ATP8B4: variants seen among roughly 807,000 people sequenced by gnomAD.
The protein encoded by ATP8B4 is probable phospholipid-transporting ATPase IM.
ATP8B4 carries 133 observed loss-of-function variants against 145.6 expected under a neutral mutation model. The observed-to-expected ratio is 0.91, with a 90% CI of 0.79 to 1.05. The LOEUF is 1.05. Ranked by LOEUF, ATP8B4 falls within the 50% of genes least tolerant of loss-of-function variation. The pLI is 0.00. For synonymous variants in ATP8B4, 507 were observed against 492.9 expected (o/e 1.03, Z -0.38); for missense variants, 1,458 against 1,425.2 (o/e 1.02, Z -0.37).
chr15:50,091,922 C>T (rs1242970801), intron 2 of ATP8B4, among the ~76,000 whole-genome samples: 2 of 152,062 alleles, frequency 1.3e-5, no homozygotes, highest in African/African-American at 4.8e-5. Context: ...ATATACATAG[C>T]TACTTGAAGA....
At chr15:50,124,763 CTTG>C (rs1025331430) in intron 1 of ATP8B4, among the ~76,000 whole-genome samples, 23 of 152,134 alleles carry the variant, frequency 1.5e-4, no homozygotes, top group African/African-American at 5.6e-4. Context: ...TCCTACAGGG[CTTG>C]TTGTTATGCA....
At chr15:49,911,401 C>A (rs992811947) in intron 20 of ATP8B4, among the ~76,000 whole-genome samples, 1 of 151,656 alleles carries the variant, frequency 6.6e-6, no homozygotes, top group Non-Finnish European at 1.5e-5. Context: ...ACACTTTAAG[C>A]CAAAAATAGT....
chr15:50,153,745 G>T (rs1323093632), intron 1 of ATP8B4, among the ~76,000 whole-genome samples: 1 of 152,180 alleles, frequency 6.6e-6, no homozygotes, highest in Non-Finnish European at 1.5e-5. Context: ...AATCTGAGAA[G>T]CTTTAAGAGA....
intron 2 of ATP8B4, among the ~76,000 whole-genome samples, chr15:50,088,127 C>T (rs1192108903): frequency 6.6e-6 from 1 of 152,058 alleles, no homozygotes; most frequent in Non-Finnish European, 1.5e-5. Context: ...GTGGCTCACA[C>T]CTGTAATCCC....
intron 1 of ATP8B4, among the ~76,000 whole-genome samples, chr15:50,173,002 C>T (rs967068832): frequency 1.1e-4 from 17 of 147,948 alleles, no homozygotes; most frequent in African/African-American, 2.2e-4. Flanking sequence ...CCGCCCCGTC[C>T]GGGAGGTGGG....
chr15:49,992,453 T>C (rs2047114286), intron 9 of ATP8B4, among the ~76,000 whole-genome samples: 1 of 152,160 alleles, frequency 6.6e-6, no homozygotes, highest in South Asian at 2.1e-4. Context: ...GGTGACTGTA[T>C]GTATGGATGA....
At chr15:50,023,802 A>G (rs530975293) in intron 6 of ATP8B4, among the ~76,000 whole-genome samples, 3,193 of 146,712 alleles carry the variant, frequency 0.022, 100 homozygotes, top group African/African-American at 0.076. Flanking sequence ...AAAAAGAAAA[A>G]AAAGAAAAAA....
chr15:49,898,074 T>C lies in ATP8B4; in HGVS notation c.2467A>G (p.Ile823Val), dbSNP rs377320089. ...TGAGCAAATATCCTCTTACTTTTAA[T>C]CATGCTGACATCATTGGCTCCATCA... ...IGDGANDVSM[I>V]KSAHIGVGIS... is the part of the protein sequence containing the mutation. Residue 823 changes from isoleucine (I) to valine (V), a missense_variant, in exon 22 of 28, where the codon ATT (isoleucine) becomes GTT (valine). Ile to Val is a conservative substitution (Grantham distance 29, BLOSUM62 3). Coordinates refer to ENST00000284509, the MANE Select transcript of ATP8B4 (RefSeq NM_024837.4). 1 of 1,613,618 alleles carries C rather than the reference T, an allele frequency of 6.2e-7. No homozygotes were observed. Among genetic ancestry groups the C allele is most frequent in the African/African-American group, 1.3e-5 (1 of 74,880 alleles).
intron 2 of ATP8B4, among the ~76,000 whole-genome samples, chr15:50,084,320 C>G (rs1303016176): frequency 1.3e-5 from 2 of 152,162 alleles, no homozygotes; most frequent in Non-Finnish European, 2.9e-5. Context: ...ATTCATGACA[C>G]ATTCAGGTAA....
intron 24 of ATP8B4, 51 bp from the exon 25 acceptor site, chr15:49,876,574 G>A (rs760088267): frequency 6.8e-6 from 11 of 1,607,168 alleles, no homozygotes; most frequent in East Asian, 2.2e-5. Context: ...GAGTCAGAGA[G>A]GCCTTGTATT....
chr15:50,038,592 C>A (rs977640050), intron 6 of ATP8B4, among the ~76,000 whole-genome samples, 176 bp downstream of exon 6: 1 of 151,934 alleles, frequency 6.6e-6, no homozygotes, highest in African/African-American at 2.4e-5. Context: ...GTAGCACAAG[C>A]ATTTGCGGAA....
Position 50,106,980 on chromosome 15 carries a change from C to T in ATP8B4, c.-14G>A. The T allele has an allele frequency of 6.3e-7, 1 of 1,585,670 alleles. No individual in the cohort carries two copies. Among genetic ancestry groups the T allele is most frequent in the East Asian group, 2.3e-5 (1 of 43,654 alleles). On this transcript the variant is annotated 5_prime_UTR_variant, in exon 2 of 28. Transcript: ENST00000284509. The stretch of plus-strand genomic sequence containing the variant: ...ACTGCAGAACATTATTATACCTGAT[C>T]TTTCACCAGGTCTCAACAGGTGGCC...
In ATP8B4 at chr15:49,859,579, C is replaced by G. The variant is rs1277302760; in HGVS notation, c.*615G>C. ...TGCAAAGATGTTCAGTCTCCTTTGT[C>G]CCTAGACTGGTATAAAAATGAGAAA... On this transcript the variant is annotated 3_prime_UTR_variant, in exon 28 of 28. Transcript: ENST00000284509. 1.3e-5 allele frequency: 2 copies of G among 152,250 alleles called. No homozygotes were observed. Among genetic ancestry groups the G allele is most frequent in the Non-Finnish European group, 2.9e-5 (2 of 68,124 alleles). 9.4% of individuals were successfully genotyped at this position (152,250 alleles called of 1,614,324 possible). A position where few individuals can be genotyped will look rare whatever the true frequency, so the allele number is the denominator to read the frequency against.
At chr15:50,095,635 G>C (rs184572043) in intron 2 of ATP8B4, among the ~76,000 whole-genome samples, 1 of 152,134 alleles carries the variant, frequency 6.6e-6, no homozygotes, top group Non-Finnish European at 1.5e-5. Context: ...CACAGTTGTA[G>C]ATGTGGCTAC....
chr15:50,168,924 G>A (rs1386463340), intron 1 of ATP8B4, among the ~76,000 whole-genome samples: 2 of 152,128 alleles, frequency 1.3e-5, no homozygotes, highest in African/African-American at 4.8e-5. Flanking sequence ...CGACTTCCCT[G>A]ACAACCTGCA....
intron 5 of ATP8B4, among the ~76,000 whole-genome samples, chr15:50,039,446 T>A (rs889574322): frequency 2.0e-5 from 3 of 152,236 alleles, no homozygotes; most frequent in Non-Finnish European, 4.4e-5. Context: ...AAGCATCTTA[T>A]ATAGCTTGAA....
intron 1 of ATP8B4, among the ~76,000 whole-genome samples, chr15:50,137,866 C>T (rs2044144461): frequency 6.6e-6 from 1 of 152,166 alleles, no homozygotes; most frequent in Non-Finnish European, 1.5e-5. Context: ...CTCCTGACTG[C>T]TACTTTAAGG....
Position 49,932,328 on chromosome 15 carries a change from G to T in ATP8B4, c.1454-1021C>A, listed in dbSNP as rs186393279. Among the ~76,000 whole-genome samples the T allele has an allele frequency of 4.6e-5, 7 of 151,986 alleles. No homozygotes were observed. In the East Asian group the frequency reaches 1.2e-3, roughly 25 times the overall value. ...GATGTTACCAGTGGTTACCTCTGTA[G>T]GGGTGAGACTGGAGTTCAGGGAAGC... is the stretch of plus-strand genomic sequence containing the variant. On this transcript the variant is annotated intron_variant, in intron 15 of 27. Transcript: ENST00000284509.
chr15:50,092,880 A>T (rs2153656948), intron 2 of ATP8B4, among the ~76,000 whole-genome samples: 1 of 152,106 alleles, frequency 6.6e-6, no homozygotes, highest in South Asian at 2.1e-4. Context: ...AAGAATCCCA[A>T]GCTGGATAAA....
Sources: allele counts gnomAD v4.1 joint callset (sites outside exome capture counted in the v4.1 genomes callset), GRCh38; gene constraint gnomAD v4.1.1; transcripts MANE v1.5; gene names NCBI Gene and HGNC (gene_info 2026-07-23, HGNC 2026-07-21).